CEP128: variants seen among roughly 807,000 people sequenced by gnomAD.
The protein encoded by CEP128 is centrosomal protein 128.
CEP128 carries 132 observed loss-of-function variants against 156.7 expected under a neutral mutation model. The observed-to-expected ratio is 0.84, with a 90% CI of 0.73 to 0.97. CEP128 has a LOEUF of 0.97. Among genes scored for constraint, CEP128 ranks in the 50% least tolerant of loss-of-function variants. The pLI, the probability that CEP128 is intolerant of heterozygous loss-of-function variation, is 0.00. For synonymous variants in CEP128, 469 were observed against 448.9 expected (o/e 1.04, Z -0.57); for missense variants, 1,252 against 1,281.9 (o/e 0.98, Z 0.36).
At chr14:80,813,125 G>C (rs1237252500) in intron 13 of CEP128, among the ~76,000 whole-genome samples, 1 of 152,010 alleles carries the variant, frequency 6.6e-6, no homozygotes, top group South Asian at 2.1e-4. Flanking sequence ...TTAGACCTTT[G>C]TCAGATGCAT....
At chr14:80,551,886 C>A (rs1414461832) in intron 21 of CEP128, among the ~76,000 whole-genome samples, 1 of 152,136 alleles carries the variant, frequency 6.6e-6, no homozygotes, top group African/African-American at 2.4e-5. Context: ...GGACAAGAAG[C>A]CTTACCCCAG....
intron 18 of CEP128, among the ~76,000 whole-genome samples, chr14:80,750,324 C>T (rs1050826878): frequency 6.6e-6 from 1 of 152,072 alleles, no homozygotes; most frequent in Non-Finnish European, 1.5e-5. Flanking sequence ...AGTGTAGTTG[C>T]CCCTGCTAAT....
In CEP128 at chr14:80,730,059, A is replaced by G. The variant is rs558471448; in HGVS notation, c.2806+13016T>C. Among the ~76,000 whole-genome samples, 18 of 152,336 alleles carry G rather than the reference A, an allele frequency of 1.2e-4. 1 individual carries two copies. Among genetic ancestry groups the G allele is most frequent in the African/African-American group, 4.1e-4 (17 of 41,588 alleles). On this transcript the variant is annotated intron_variant, in intron 19 of 24. Coordinates refer to ENST00000555265, the MANE Select transcript of CEP128 (RefSeq NM_152446.5). ...TACCTCTTTGGAGTGTACACATTGA[A>G]TAGCCATAGTCACAGCAGGCTTGGA...
At chr14:80,701,933 GTGCACA>G (rs1897089537) in intron 19 of CEP128, among the ~76,000 whole-genome samples, 1 of 152,086 alleles carries the variant, frequency 6.6e-6, no homozygotes, top group African/African-American at 2.4e-5. Context: ...TCTCCAAGAT[GTGCACA>G]TGAATACATT....
intron 19 of CEP128, among the ~76,000 whole-genome samples, chr14:80,732,450 T>C (rs1595305067): frequency 6.7e-6 from 1 of 149,246 alleles, no homozygotes; most frequent in East Asian, 2.0e-4. Context: ...TGAAGATTCA[T>C]CTGGCAGAAC....
chr14:80,520,791 G>C (rs1029889895), intron 23 of CEP128, among the ~76,000 whole-genome samples: 3 of 151,878 alleles, frequency 2.0e-5, no homozygotes, highest in Non-Finnish European at 4.4e-5. Flanking sequence ...TGGTTCATAG[G>C]AATCAGCGCT....
rs1352064318 is a variant in CEP128, at chr14:80,743,273, A to G, written c.2614-6T>C. On this transcript the variant is annotated splice_region_variant and splice_polypyrimidine_tract_variant and intron_variant, in intron 18 of 24. Transcript: ENST00000555265. ...CAGAGCCACTGAAGTTTAGTCTAAA[A>G]AATAACATTTATATCTAATGGTTAA... is the stretch of plus-strand genomic sequence containing the variant. The G allele has an allele frequency of 1.3e-6, 2 of 1,598,878 alleles. No homozygotes were observed. The highest frequency in any genetic ancestry group is 1.7e-6 in the Non-Finnish European group (2 of 1,168,140).
chr14:80,745,120 G>A (rs1036759719), intron 18 of CEP128, among the ~76,000 whole-genome samples: 8 of 152,168 alleles, frequency 5.3e-5, no homozygotes, highest in African/African-American at 4.8e-5. Context: ...TGGATCATGC[G>A]GGCAGTTTCC....
chr14:80,877,802 C>T (rs1331072435), intron 8 of CEP128, among the ~76,000 whole-genome samples: 1 of 152,148 alleles, frequency 6.6e-6, no homozygotes. Context: ...AGGGATGCCC[C>T]ACTCCCAGGA....
At chr14:80,609,472 A>G (rs919698287) in intron 19 of CEP128, among the ~76,000 whole-genome samples, 4 of 152,002 alleles carry the variant, frequency 2.6e-5, no homozygotes, top group Non-Finnish European at 5.9e-5. Context: ...TCTGGCCCCC[A>G]CCCCCATCCA....
intron 19 of CEP128, among the ~76,000 whole-genome samples, chr14:80,675,493 GA>G (rs1441546695): frequency 1.3e-5 from 2 of 151,954 alleles, no homozygotes; most frequent in African/African-American, 4.8e-5. Flanking sequence ...GTAAAAATGG[GA>G]TTTTATTGAA....
At chr14:80,911,183 TA>T (rs1364157454) in intron 4 of CEP128, among the ~76,000 whole-genome samples, 2 of 152,110 alleles carry the variant, frequency 1.3e-5, no homozygotes, top group Non-Finnish European at 2.9e-5. Flanking sequence ...GTAATGCAAA[TA>T]ACAGAAGTGA....
At chr14:80,823,535 C>T (rs939522284) in intron 13 of CEP128, among the ~76,000 whole-genome samples, 1 of 152,060 alleles carries the variant, frequency 6.6e-6, no homozygotes, top group African/African-American at 2.4e-5. Context: ...ACTGTCTGCC[C>T]ATGTCCTGCC....
At chr14:80,874,685 T>C (rs1178920800) in intron 8 of CEP128, among the ~76,000 whole-genome samples, 2 of 152,214 alleles carry the variant, frequency 1.3e-5, no homozygotes, top group African/African-American at 4.8e-5. Flanking sequence ...TGGCGCCATC[T>C]TGGCTCACTG....
downstream of CEP128, among the ~76,000 whole-genome samples, chr14:80,489,475 TGAG>T (rs59751754): frequency 0.47 from 71,582 of 151,512 alleles, 18,099 homozygotes; most frequent in East Asian, 0.68. Flanking sequence ...TTTTTCCTGA[TGAG>T]GAGATTAAGC....
intron 18 of CEP128, among the ~76,000 whole-genome samples, chr14:80,743,560 T>C (rs17613144): frequency 0.068 from 10,426 of 152,210 alleles, 466 homozygotes; most frequent in South Asian, 0.092. Context: ...AATCCTCTGA[T>C]TTGATATACA....
At chr14:80,776,557 A>G (rs1386473106) in intron 16 of CEP128, among the ~76,000 whole-genome samples, 1 of 148,122 alleles carries the variant, frequency 6.8e-6, no homozygotes, top group Non-Finnish European at 1.5e-5. Flanking sequence ...ATATTATTAT[A>G]TATATTAATA....
intron 13 of CEP128, among the ~76,000 whole-genome samples, chr14:80,824,448 T>C (rs1885361485): frequency 6.6e-6 from 1 of 152,234 alleles, no homozygotes; most frequent in South Asian, 2.1e-4. Flanking sequence ...TATGCTCTAC[T>C]TCCCTTATAA....
intron 23 of CEP128, among the ~76,000 whole-genome samples, chr14:80,522,115 G>A (rs146553464): frequency 1.1e-3 from 170 of 152,198 alleles, no homozygotes; most frequent in African/African-American, 3.8e-3. Flanking sequence ...AAAAATCAAC[G>A]TAATAATCCA....
Sources: allele counts gnomAD v4.1 joint callset (sites outside exome capture counted in the v4.1 genomes callset), GRCh38; gene constraint gnomAD v4.1.1; transcripts MANE v1.5; gene names NCBI Gene and HGNC (gene_info 2026-07-23, HGNC 2026-07-21).